Variants in ZNF521 observed in about 807,000 individuals in gnomAD.
The protein encoded by ZNF521 is LYST-interacting protein 3.
Under a neutral mutation model 105.5 loss-of-function variants are expected in ZNF521, and 14 were observed. That is an observed-to-expected ratio of 0.13 (90% CI 0.09 to 0.21). The LOEUF (loss-of-function observed/expected upper bound fraction) is 0.21, where lower values mean the gene tolerates loss of function less well. Ranked by LOEUF, ZNF521 falls within the 10% of genes least tolerant of loss-of-function variation. The pLI is 1.00. For missense variants in ZNF521, 1,233 were observed against 1,629.7 expected (o/e 0.76, Z 4.19); for synonymous variants, 635 against 606.0 (o/e 1.05, Z -0.70).
At chr18:25,210,583 T>C (rs2036162326) in intron 4 of ZNF521, among the ~76,000 whole-genome samples, 1 of 152,222 alleles carries the variant, frequency 6.6e-6, no homozygotes, top group African/African-American at 2.4e-5. Flanking sequence ...TGTCTAATGT[T>C]CTATTCATGT....
chr18:25,172,167 G>A (rs1432277183), intron 5 of ZNF521, among the ~76,000 whole-genome samples: 2 of 152,042 alleles, frequency 1.3e-5, no homozygotes, highest in Non-Finnish European at 2.9e-5. Context: ...AAGATTGAGA[G>A]GAAAACCATA....
At chr18:25,286,315 A>G (rs1401834276) in intron 3 of ZNF521, among the ~76,000 whole-genome samples, 1 of 152,226 alleles carries the variant, frequency 6.6e-6, no homozygotes, top group African/African-American at 2.4e-5. Context: ...GGGCTCAAGA[A>G]GCTCTCCCCG....
intron 5 of ZNF521, among the ~76,000 whole-genome samples, chr18:25,139,196 C>T (rs150278541): frequency 0.011 from 1,716 of 151,412 alleles, 33 homozygotes; most frequent in African/African-American, 0.039. Flanking sequence ...TGGTGAAACC[C>T]CGTCTCTACT....
chr18:25,113,325 C>G (rs909834556), intron 5 of ZNF521, among the ~76,000 whole-genome samples: 1 of 152,092 alleles, frequency 6.6e-6, no homozygotes, highest in Non-Finnish European at 1.5e-5. Context: ...CCATCCACCC[C>G]CAAGCCTTCA....
At chr18:25,333,312 CTCTATATA>C (rs1359782483) in intron 2 of ZNF521, among the ~76,000 whole-genome samples, 2 of 135,738 alleles carry the variant, frequency 1.5e-5, no homozygotes, top group Admixed American at 7.5e-5. Context: ...CTCTCTCTCT[CTCTATATA>C]TATATATATA....
chr18:25,282,233 T>A (rs980125799), intron 3 of ZNF521, among the ~76,000 whole-genome samples: 4 of 151,924 alleles, frequency 2.6e-5, no homozygotes, highest in Non-Finnish European at 5.9e-5. Flanking sequence ...ATCCCAAAAC[T>A]GTTTTGGGGG....
At chr18:25,150,197 G>A (rs1267325520) in intron 5 of ZNF521, among the ~76,000 whole-genome samples, 1 of 152,156 alleles carries the variant, frequency 6.6e-6, no homozygotes. Context: ...ACCAAACATT[G>A]TATGTTCTCA....
chr18:25,176,919 C>A (rs368935461), intron 5 of ZNF521, among the ~76,000 whole-genome samples: 5 of 152,214 alleles, frequency 3.3e-5, no homozygotes, highest in Non-Finnish European at 7.3e-5. Flanking sequence ...TCGGCGCTGG[C>A]GTGGAACCTG....
intron 5 of ZNF521, among the ~76,000 whole-genome samples, chr18:25,153,592 A>G (rs2035087262): frequency 6.6e-6 from 1 of 152,212 alleles, no homozygotes; most frequent in African/African-American, 2.4e-5. Context: ...TCTCGTGTGA[A>G]TACAGACAGC....
chr18:25,266,590 C>T (rs1000395256), intron 3 of ZNF521, among the ~76,000 whole-genome samples: 17 of 152,104 alleles, frequency 1.1e-4, no homozygotes, highest in African/African-American at 9.7e-5. Flanking sequence ...TGGGTGCAGC[C>T]GACGGAGGGC....
chr18:25,272,915 A>C (rs1600241147), intron 3 of ZNF521, among the ~76,000 whole-genome samples: 1 of 151,952 alleles, frequency 6.6e-6, no homozygotes, highest in Non-Finnish European at 1.5e-5. Context: ...TATAATAATA[A>C]TAAAAAACTG....
intron 3 of ZNF521, among the ~76,000 whole-genome samples, chr18:25,306,882 T>C (rs936280501): frequency 6.7e-6 from 1 of 148,538 alleles, no homozygotes; most frequent in East Asian, 1.9e-4. Flanking sequence ...GTAAGTGGCC[T>C]GATGTCTACC....
Position 25,246,379 on chromosome 18 carries a change from T to G in ZNF521, c.221-18682A>C, listed in dbSNP as rs116913673. Among the ~76,000 whole-genome samples the G allele has an allele frequency of 3.4e-3, 516 of 152,338 alleles. 3 individuals carry two copies. The highest frequency in any genetic ancestry group is 6.3e-3 in the Non-Finnish European group (427 of 68,026). On this transcript the variant is annotated intron_variant, in intron 3 of 7. Coordinates refer to ENST00000361524, the MANE Select transcript of ZNF521 (RefSeq NM_015461.3). ...GAAGGTCCCTTTGTTTCAGTGCGTATAACACCACAATCAATTGTAGGGATA... is the reference window on the plus strand; with the variant it reads ...GAAGGTCCCTTTGTTTCAGTGCGTAGAACACCACAATCAATTGTAGGGATA...
At chr18:25,290,362 A>C (rs747853598) in intron 3 of ZNF521, among the ~76,000 whole-genome samples, 6 of 152,186 alleles carry the variant, frequency 3.9e-5, no homozygotes, top group Non-Finnish European at 8.8e-5. Flanking sequence ...GATTATGAAC[A>C]CCTTAAAAAG....
At position 25,149,106 on chromosome 18, in the gene ZNF521, T is replaced by G. The variant is rs1271252205; in HGVS notation, c.3658+46054A>C. Among the ~76,000 whole-genome samples, 4 of 152,304 alleles carry G rather than the reference T, an allele frequency of 2.6e-5. No homozygotes were observed. In the South Asian group the frequency reaches 8.3e-4, roughly 32 times the overall value. On this transcript the variant is annotated intron_variant, in intron 5 of 7. Coordinates refer to ENST00000361524, the MANE Select transcript of ZNF521 (RefSeq NM_015461.3). ...GTGAAGGGTGTCCACTGGCCAAATA[T>G]AGTCTGCTGTCTTGCTTCTGGCACA...
intron 5 of ZNF521, among the ~76,000 whole-genome samples, chr18:25,120,116 C>A (rs188105887): frequency 1.3e-5 from 2 of 152,074 alleles, no homozygotes; most frequent in East Asian, 3.9e-4. Flanking sequence ...AGAAATTGAA[C>A]TTATTAAAAA....
At chr18:25,146,153 G>T (rs1283912188) in intron 5 of ZNF521, among the ~76,000 whole-genome samples, 1 of 152,158 alleles carries the variant, frequency 6.6e-6, no homozygotes, top group African/African-American at 2.4e-5. Flanking sequence ...CACACAGCTA[G>T]CAAGTGCAGA....
chr18:25,315,031 G>A (rs1912523324), intron 3 of ZNF521, among the ~76,000 whole-genome samples: 1 of 152,174 alleles, frequency 6.6e-6, no homozygotes, highest in Non-Finnish European at 1.5e-5. Context: ...AGACCCCTCT[G>A]GCTTCCAGCC....
chr18:25,308,699 G>A (rs1189667383), intron 3 of ZNF521, among the ~76,000 whole-genome samples: 1 of 123,850 alleles, frequency 8.1e-6, no homozygotes, highest in Admixed American at 1.2e-4. Flanking sequence ...TTTTTTCTCA[G>A]AATATGCTGG....
Sources: gnomAD v4.1 joint callset for allele counts (sites outside exome capture counted in the v4.1 genomes callset) on GRCh38, gnomAD v4.1.1 for gene constraint, MANE v1.5 for transcripts, NCBI Gene and HGNC (gene_info 2026-07-23, HGNC 2026-07-21) for gene names.